Variants in RAB6B observed in about 807,000 individuals in gnomAD.
RAB6B encodes RAB6B, member RAS oncogene family, also known as ras-related protein Rab-6B.
Under a neutral mutation model 31.2 loss-of-function variants are expected in RAB6B, and 7 were observed. The observed-to-expected ratio is 0.22, with a 90% CI of 0.13 to 0.42. The LOEUF (loss-of-function observed/expected upper bound fraction) is 0.42, where lower values mean the gene tolerates loss of function less well. Ranked by LOEUF, RAB6B falls within the 10% of genes least tolerant of loss-of-function variation. The probability of loss-of-function intolerance (pLI) is 1.00; values close to 1 mark genes in which losing one functional copy is unlikely to be tolerated. For synonymous variants in RAB6B, 105 were observed against 104.9 expected, an observed-to-expected ratio of 1.00 and a Z score of -0.01; for missense variants, 149 against 280.6, an observed-to-expected ratio of 0.53 and a Z score of 3.35.
intron 2 of RAB6B, among the ~76,000 whole-genome samples, chr3:133,863,872 C>T (rs971818012): frequency 1.3e-5 from 2 of 152,192 alleles, no homozygotes; most frequent in African/African-American, 4.8e-5. Context: ...GCTATAATTG[C>T]ATGGAAAATT....
intron 1 of RAB6B, among the ~76,000 whole-genome samples, chr3:133,889,379 G>T (rs543002596): frequency 9.7e-6 from 1 of 103,614 alleles, no homozygotes. Flanking sequence ...GGACAATAAG[G>T]TTATTTTGTT....
chr3:133,877,409 A>T (rs1227216833), intron 1 of RAB6B, among the ~76,000 whole-genome samples: 1 of 152,252 alleles, frequency 6.6e-6, no homozygotes, highest in Non-Finnish European at 1.5e-5. Flanking sequence ...GCTCTTGCCC[A>T]GCAGCCAGAG....
intron 2 of RAB6B, among the ~76,000 whole-genome samples, chr3:133,854,911 T>TA (rs1207937900): frequency 6.6e-6 from 1 of 152,236 alleles, no homozygotes; most frequent in Admixed American, 6.5e-5. Context: ...GACACAGTAA[T>TA]AAAGTCTGCA....
intron 1 of RAB6B, among the ~76,000 whole-genome samples, chr3:133,893,992 T>C (rs576976238): frequency 3.9e-5 from 6 of 152,250 alleles, no homozygotes; most frequent in Non-Finnish European, 8.8e-5. Flanking sequence ...ATACTGGGCC[T>C]GGACACTACC....
intron 2 of RAB6B, among the ~76,000 whole-genome samples, chr3:133,842,902 A>C (rs1179483537): frequency 6.6e-6 from 1 of 152,262 alleles, no homozygotes; most frequent in African/African-American, 2.4e-5. Context: ...TTAATAAATA[A>C]GTTTAATTGT....
At chr3:133,856,757 C>T (rs970296904) in intron 2 of RAB6B, among the ~76,000 whole-genome samples, 4 of 152,126 alleles carry the variant, frequency 2.6e-5, no homozygotes, top group Non-Finnish European at 5.9e-5. Flanking sequence ...AAGTCCAACG[C>T]CTGGAGTATC....
chr3:133,839,027 C>G (rs1002442763), intron 5 of RAB6B, among the ~76,000 whole-genome samples: 2 of 152,374 alleles, frequency 1.3e-5, no homozygotes, highest in Admixed American at 1.3e-4. Context: ...AGCCACAAAC[C>G]AGGCTAAGCA....
intron 7 of RAB6B, among the ~76,000 whole-genome samples, chr3:133,831,570 C>T (rs878864494): frequency 6.6e-6 from 1 of 152,258 alleles, no homozygotes; most frequent in Non-Finnish European, 1.5e-5. Flanking sequence ...ATGACACCTC[C>T]TTCCTTGTTA....
intron 7 of RAB6B, among the ~76,000 whole-genome samples, chr3:133,831,056 G>T (rs1387915171): frequency 6.6e-6 from 1 of 152,182 alleles, no homozygotes; most frequent in Non-Finnish European, 1.5e-5. Flanking sequence ...ACAGCATTAC[G>T]TTCTGCCCAG....
At chr3:133,852,083 G>A (rs1420790747) in intron 2 of RAB6B, among the ~76,000 whole-genome samples, 3 of 152,224 alleles carry the variant, frequency 2.0e-5, no homozygotes, top group Non-Finnish European at 2.9e-5. Context: ...GTGGTTTTGC[G>A]AGGCAGCTGG....
At chr3:133,844,467 C>G (rs1462850561) in intron 2 of RAB6B, among the ~76,000 whole-genome samples, 1 of 152,230 alleles carries the variant, frequency 6.6e-6, no homozygotes, top group Admixed American at 6.5e-5. Flanking sequence ...GGCGCCAAAG[C>G]ATAGGCATTG....
At chr3:133,865,195 C>A (rs1386190374) in intron 1 of RAB6B, among the ~76,000 whole-genome samples, 1 of 152,188 alleles carries the variant, frequency 6.6e-6, no homozygotes, top group African/African-American at 2.4e-5. Flanking sequence ...TCTGACCGTC[C>A]AGCTCATTGC....
At position 133,895,827 on chromosome 3, in the gene RAB6B, A is replaced by C. The variant is rs1168060409; in HGVS notation, c.-361T>G. The C allele has an allele frequency of 2.6e-5, 6 of 233,280 alleles. No homozygotes were observed. The highest frequency in any genetic ancestry group is 4.1e-5 in the Non-Finnish European group (5 of 121,002). The allele number at this position is 233,280 out of a possible 1,614,324, so 14.5% of individuals were successfully genotyped here. ...CGCGGGGCGGAGGAGCGCTCTCCAG[A>C]GCCGCGCCAGTCGGCCCCCTCCCGC... On this transcript the variant is annotated 5_prime_UTR_variant, in exon 1 of 8. Coordinates refer to ENST00000285208, the MANE Select transcript of RAB6B (RefSeq NM_016577.4).
chr3:133,870,509 A>G (rs1187174486), intron 1 of RAB6B, among the ~76,000 whole-genome samples: 1 of 152,112 alleles, frequency 6.6e-6, no homozygotes, highest in African/African-American at 2.4e-5. Context: ...GAGAATGGGG[A>G]GGAGAGCAGG....
intron 1 of RAB6B, among the ~76,000 whole-genome samples, chr3:133,873,631 C>A (rs1936355112): frequency 6.6e-6 from 1 of 152,134 alleles, no homozygotes; most frequent in Admixed American, 6.5e-5. Context: ...TGCCTCTACC[C>A]CAAGGTTTAC....
chr3:133,838,063 C>T (rs1227446614), intron 6 of RAB6B, 103 bp downstream of exon 6: 2 of 1,222,868 alleles, frequency 1.6e-6, no homozygotes, highest in East Asian at 2.3e-5. Context: ...GCCCCAATCC[C>T]ATCACCAGCC....
intron 2 of RAB6B, among the ~76,000 whole-genome samples, chr3:133,857,744 G>T (rs1936102328): frequency 6.6e-6 from 1 of 152,118 alleles, no homozygotes; most frequent in African/African-American, 2.4e-5. Context: ...ACCTCCCACT[G>T]GACTCTTCCT....
At chr3:133,890,906 T>A (rs1489061570) in intron 1 of RAB6B, among the ~76,000 whole-genome samples, 2 of 152,210 alleles carry the variant, frequency 1.3e-5, no homozygotes, top group Non-Finnish European at 2.9e-5. Flanking sequence ...ATGATTGTAT[T>A]GTATTTAAGA....
chr3:133,837,903 G>A (rs1345157338), intron 6 of RAB6B, among the ~76,000 whole-genome samples: 5 of 152,230 alleles, frequency 3.3e-5, no homozygotes, highest in South Asian at 4.1e-4. Flanking sequence ...GGCCTGCTAC[G>A]TGGGCCGTGA....
Sources: gnomAD v4.1 joint callset for allele counts (sites outside exome capture counted in the v4.1 genomes callset) on GRCh38, gnomAD v4.1.1 for gene constraint, MANE v1.5 for transcripts, NCBI Gene and HGNC (gene_info 2026-07-23, HGNC 2026-07-21) for gene names.